AGBL1: variants seen among roughly 807,000 people sequenced by gnomAD.
AGBL1 encodes the protein AGBL carboxypeptidase 1.
AGBL1 carries 130 observed loss-of-function variants against 118.9 expected under a neutral mutation model. The observed-to-expected ratio is 1.09, with a 90% CI of 0.95 to 1.26. The LOEUF (loss-of-function observed/expected upper bound fraction) is 1.26. AGBL1 is among the 50% of genes most tolerant of loss of function. The pLI is 0.00. For synonymous variants in AGBL1, 555 were observed against 478.9 expected (o/e 1.16, Z -2.08); for missense variants, 1,584 against 1,298.1 (o/e 1.22, Z -3.38).
intron 1 of AGBL1, among the ~76,000 whole-genome samples, chr15:86,136,814 TAAAGCAGGGAGTGACACATTC>T (rs2076895745): frequency 6.6e-6 from 1 of 152,104 alleles, no homozygotes; most frequent in Admixed American, 6.6e-5. Context: ...TAGAAGATTT[TAAAGCAGGGAGTGACACATTC>T]AAAACAGTAT....
At chr15:86,899,103 G>A (rs1219185543) in intron 22 of AGBL1, among the ~76,000 whole-genome samples, 1 of 152,128 alleles carries the variant, frequency 6.6e-6, no homozygotes, top group East Asian at 1.9e-4. Flanking sequence ...GTTTATTGCA[G>A]CACGATACAC....
intron 19 of AGBL1, among the ~76,000 whole-genome samples, chr15:86,538,086 G>C (rs1360824910): frequency 6.6e-6 from 1 of 152,210 alleles, no homozygotes; most frequent in Admixed American, 6.5e-5. Context: ...GGGTCCCACT[G>C]TGGGCAGTCT....
chr15:86,203,025 A>T (rs1264895110), intron 5 of AGBL1, among the ~76,000 whole-genome samples: 1 of 152,150 alleles, frequency 6.6e-6, no homozygotes, highest in East Asian at 1.9e-4. Context: ...TCAAGGCTGC[A>T]GTGAGCTGTG....
intron 21 of AGBL1, among the ~76,000 whole-genome samples, chr15:86,673,844 C>T (rs2085788759): frequency 6.6e-6 from 1 of 152,052 alleles, no homozygotes; most frequent in Admixed American, 6.6e-5. Flanking sequence ...CTACTTTTCT[C>T]CATTGGCCGA....
chr15:86,484,131 G>T (rs556595950), intron 18 of AGBL1, among the ~76,000 whole-genome samples: 2 of 152,100 alleles, frequency 1.3e-5, no homozygotes, highest in African/African-American at 4.8e-5. Context: ...GCAACATCTG[G>T]CTTGAGCAGC....
At chr15:86,895,767 T>C (rs929322933) in intron 22 of AGBL1, among the ~76,000 whole-genome samples, 1 of 152,084 alleles carries the variant, frequency 6.6e-6, no homozygotes, top group Non-Finnish European at 1.5e-5. Context: ...TTTGTTTTTA[T>C]GGAAAATTTA....
At chr15:87,009,782 G>A (rs2081539829) in intron 24 of AGBL1, among the ~76,000 whole-genome samples, 1 of 152,208 alleles carries the variant, frequency 6.6e-6, no homozygotes, top group African/African-American at 2.4e-5. Context: ...TCATTTTGGA[G>A]CTTTAAGATT....
rs1433956476 is a variant in AGBL1 at position 86,351,714 on chromosome 15, A to ATTT, written c.2375-45651_2375-45650insTTT. ...TATAAGTTTACATCCAGAAGATCAAATATAAAATATATTTCTACATCTATT... is the reference window on the plus strand; with the variant it reads ...TATAAGTTTACATCCAGAAGATCAAATTTTATAAAATATATTTCTACATCTATT... On this transcript the variant is annotated intron_variant, in intron 17 of 22. Coordinates refer to ENST00000614907, the MANE Select transcript of AGBL1 (RefSeq NM_001386094.1). 3.3e-5 allele frequency among the ~76,000 whole-genome samples: 5 copies of ATTT among 152,304 alleles called. No individual in the cohort carries two copies. The East Asian group carries it at 9.7e-4, about 29-fold the overall frequency.
chr15:86,925,260 G>T (rs1287300344), intron 23 of AGBL1, among the ~76,000 whole-genome samples: 2 of 151,934 alleles, frequency 1.3e-5, no homozygotes, highest in African/African-American at 4.8e-5. Flanking sequence ...AAAACAGAGA[G>T]CTAAGCCCCA....
chr15:86,659,358 C>T (rs531782864), intron 21 of AGBL1, among the ~76,000 whole-genome samples: 46 of 152,178 alleles, frequency 3.0e-4, no homozygotes, highest in Middle Eastern at 6.8e-3. Context: ...GATTTGAAGC[C>T]GGGAGACTTT....
rs1050704759 is a variant in AGBL1, at chr15:86,378,704, C to G, written c.2375-18662C>G. ...GGGATTATTATTATTATTATTATAC[C>G]CATTTCACAGCTGAACAAATTGAGG... On this transcript the variant is annotated intron_variant, in intron 17 of 22. Transcript: ENST00000614907. Among the ~76,000 whole-genome samples, 2 of 151,502 alleles carry G rather than the reference C, an allele frequency of 1.3e-5. 1 individual carries two copies. The highest frequency in any genetic ancestry group is 3.9e-4 in the East Asian group (2 of 5,126).
chr15:86,700,497 A>G lies in AGBL1; in HGVS notation c.3158+26061A>G, dbSNP rs2086338142. 2.3e-5 allele frequency among the ~76,000 whole-genome samples: 3 copies of G among 128,226 alleles called. No homozygotes were observed. The South Asian group carries it at 9.1e-4, about 39-fold the overall frequency. 84.1% of individuals were successfully genotyped at this position (128,226 alleles called of 152,430 possible). ...CACACACACACACACACACACACAC[A>G]CACACACACACACAAAATCTCTCTT... On this transcript the variant is annotated intron_variant, in intron 22 of 22. Transcript: ENST00000614907.
intron 3 of AGBL1, among the ~76,000 whole-genome samples, chr15:86,146,938 T>C (rs1445344857): frequency 6.6e-6 from 1 of 152,216 alleles, no homozygotes; most frequent in Non-Finnish European, 1.5e-5. Flanking sequence ...ATAAATCTGA[T>C]AGTGATGTAT....
chr15:86,464,690 G>A (rs1484062707), intron 18 of AGBL1, among the ~76,000 whole-genome samples: 2 of 152,236 alleles, frequency 1.3e-5, no homozygotes, highest in East Asian at 3.9e-4. Flanking sequence ...TGCATCTATT[G>A]AGATAATCAT....
intron 23 of AGBL1, among the ~76,000 whole-genome samples, chr15:86,946,724 G>A (rs2080826359): frequency 6.6e-6 from 1 of 151,206 alleles, no homozygotes; most frequent in African/African-American, 2.4e-5. Flanking sequence ...GCACATGCCT[G>A]TAACCTCAGC....
intron 18 of AGBL1, among the ~76,000 whole-genome samples, chr15:86,424,395 G>C (rs992833542): frequency 6.6e-6 from 1 of 152,130 alleles, no homozygotes; most frequent in Non-Finnish European, 1.5e-5. Flanking sequence ...ACTCAAGGTG[G>C]ATTAAAGACT....
intron 22 of AGBL1, among the ~76,000 whole-genome samples, chr15:86,831,774 T>C (rs991951299): frequency 1.3e-5 from 2 of 152,148 alleles, no homozygotes; most frequent in Admixed American, 6.5e-5. Flanking sequence ...TGGAGGGTGG[T>C]GGCCTGCTTC....
At chr15:86,653,617 C>G (rs766919762) in intron 21 of AGBL1, among the ~76,000 whole-genome samples, 5 of 152,132 alleles carry the variant, frequency 3.3e-5, no homozygotes, top group East Asian at 1.9e-4. Flanking sequence ...CCTTATTGTT[C>G]CTAATGGGTT....
intron 17 of AGBL1, among the ~76,000 whole-genome samples, chr15:86,331,803 A>G (rs1285390763): frequency 6.6e-6 from 1 of 152,244 alleles, no homozygotes; most frequent in African/African-American, 2.4e-5. Context: ...AGTGAGTTCT[A>G]AACATGGAAC....
Sources: gnomAD v4.1 joint callset for allele counts (sites outside exome capture counted in the v4.1 genomes callset) on GRCh38, gnomAD v4.1.1 for gene constraint, MANE v1.5 for transcripts, NCBI Gene and HGNC (gene_info 2026-07-23, HGNC 2026-07-21) for gene names.